The following IL1RAPL1 variants were observed in gnomAD, a reference collection of about 807,000 sequenced individuals.
IL1RAPL1 encodes interleukin-1 receptor accessory protein-like 1.
Under a neutral mutation model 48.4 loss-of-function variants are expected in IL1RAPL1, and 3 were observed. The ratio of observed to expected loss-of-function variants is 0.06; its 90% confidence interval spans 0.03 to 0.16. The LOEUF is 0.16. IL1RAPL1 is among the 10% of genes least tolerant of loss of function. The pLI is 1.00. For missense variants in IL1RAPL1, 349 were observed against 530.6 expected (o/e 0.66, Z 3.36); for synonymous variants, 185 against 187.7 (o/e 0.99, Z 0.12).
At chrX:29,807,922 T>C (rs73631670) in intron 6 of IL1RAPL1, among the ~76,000 whole-genome samples, 115 of 111,338 alleles carry the variant, frequency 1.0e-3, no homozygotes, top group African/African-American at 3.5e-3. Flanking sequence ...TCATGAGTAA[T>C]TGGTAATCAA....
At chrX:28,668,327 C>T (rs754326009) in intron 1 of IL1RAPL1, among the ~76,000 whole-genome samples, 9 of 110,885 alleles carry the variant, frequency 8.1e-5, no homozygotes, top group South Asian at 3.8e-4. Context: ...GGCGTGATGT[C>T]GGCTCTCTGC....
intron 6 of IL1RAPL1, among the ~76,000 whole-genome samples, chrX:29,734,430 C>T (rs931418702): frequency 8.9e-6 from 1 of 112,059 alleles, no homozygotes; most frequent in African/African-American, 3.2e-5. Flanking sequence ...ACCGTAGTCA[C>T]TAATCATGAC....
intron 2 of IL1RAPL1, among the ~76,000 whole-genome samples, chrX:28,997,516 T>C (rs1925751170): frequency 9.0e-6 from 1 of 111,161 alleles, no homozygotes; most frequent in African/African-American, 3.3e-5. Flanking sequence ...TAATCTTATA[T>C]GGCCTCAAAA....
At chrX:29,193,109 TTTA>T (rs1048634222) in intron 2 of IL1RAPL1, among the ~76,000 whole-genome samples, 2 of 110,824 alleles carry the variant, frequency 1.8e-5, no homozygotes, top group Admixed American at 1.9e-4. Context: ...TGAAGATAAC[TTTA>T]TTGTTTTTTA....
intron 1 of IL1RAPL1, among the ~76,000 whole-genome samples, chrX:28,731,663 G>C (rs963583125): frequency 9.0e-6 from 1 of 111,282 alleles, no homozygotes; most frequent in African/African-American, 3.3e-5. Context: ...GAGAGTGAGA[G>C]GTGGCTGCTA....
At chrX:29,829,404 A>G (rs1274286798) in intron 6 of IL1RAPL1, among the ~76,000 whole-genome samples, 2 of 111,194 alleles carry the variant, frequency 1.8e-5, no homozygotes, top group African/African-American at 3.3e-5. Flanking sequence ...GCCTGCCCCT[A>G]TGCTTGACTA....
At chrX:29,729,779 G>A (rs1191970151) in intron 6 of IL1RAPL1, among the ~76,000 whole-genome samples, 1 of 111,290 alleles carries the variant, frequency 9.0e-6, no homozygotes. Context: ...AAATGCACGT[G>A]TGAAACTCCA....
At chrX:29,368,991 C>G (rs985493317) in intron 3 of IL1RAPL1, 1 of 115,323 alleles carries the variant, frequency 8.7e-6, no homozygotes, top group East Asian at 2.7e-4. Flanking sequence ...ACAGCTGGGA[C>G]CTCTGCTGAG....
intron 2 of IL1RAPL1, among the ~76,000 whole-genome samples, chrX:29,227,390 C>G (rs765948170): frequency 9.0e-6 from 1 of 110,577 alleles, no homozygotes; most frequent in East Asian, 2.8e-4. Flanking sequence ...GTTTTTAATC[C>G]TTTCAAAGCC....
At chrX:29,142,735 C>T (rs1035646586) in intron 2 of IL1RAPL1, among the ~76,000 whole-genome samples, 2 of 108,848 alleles carry the variant, frequency 1.8e-5, no homozygotes, top group Non-Finnish European at 3.8e-5. Flanking sequence ...TGCTCTTGCT[C>T]TGTTGCCCAG....
intron 2 of IL1RAPL1, among the ~76,000 whole-genome samples, chrX:28,964,768 C>G (rs762442705): frequency 9.0e-6 from 1 of 111,576 alleles, no homozygotes; most frequent in Admixed American, 9.6e-5. Context: ...AGACCTAGGT[C>G]TTCTCTTACA....
At chrX:29,666,698 T>A (rs1158717273) in intron 5 of IL1RAPL1, among the ~76,000 whole-genome samples, 1 of 110,832 alleles carries the variant, frequency 9.0e-6, no homozygotes, top group Non-Finnish European at 1.9e-5. Context: ...TCTCTGTAGA[T>A]CTTTATTTTT....
chrX:29,443,291 T>C (rs1393211785), intron 5 of IL1RAPL1, among the ~76,000 whole-genome samples: 1 of 107,800 alleles, frequency 9.3e-6, no homozygotes, highest in Non-Finnish European at 1.9e-5. Context: ...AATTATTTAA[T>C]ATTAACCTAC....
At chrX:29,506,276 T>C (rs12853009) in intron 5 of IL1RAPL1, among the ~76,000 whole-genome samples, 12,754 of 111,518 alleles carry the variant, frequency 0.11, 598 homozygotes, top group South Asian at 0.22. Context: ...CATAGTTCCC[T>C]ATTTGTTGTT....
chrX:29,233,192 CTG>C (rs987101029), intron 2 of IL1RAPL1, among the ~76,000 whole-genome samples: 20 of 111,426 alleles, frequency 1.8e-4, no homozygotes, highest in African/African-American at 5.5e-4. Flanking sequence ...CCTCCTTCCC[CTG>C]TACTCAAGCT....
At chrX:29,787,211 C>G (rs1173347081) in intron 6 of IL1RAPL1, among the ~76,000 whole-genome samples, 1 of 110,925 alleles carries the variant, frequency 9.0e-6, no homozygotes, top group African/African-American at 3.3e-5. Flanking sequence ...CCAACCAGAA[C>G]CTGGAGAGAC....
At chrX:28,845,131 T>TG (rs1921474975) in intron 2 of IL1RAPL1, among the ~76,000 whole-genome samples, 1 of 111,666 alleles carries the variant, frequency 9.0e-6, no homozygotes, top group Non-Finnish European at 1.9e-5. Context: ...TGTCATGTTA[T>TG]TATAAGTGCA....
intron 2 of IL1RAPL1, among the ~76,000 whole-genome samples, chrX:28,987,758 A>C (rs1201564257): frequency 2.7e-5 from 3 of 112,114 alleles, no homozygotes; most frequent in African/African-American, 9.7e-5. Context: ...TTTTGTCTTG[A>C]TAATTTCACC....
intron 2 of IL1RAPL1, among the ~76,000 whole-genome samples, chrX:28,820,982 C>T (rs750556928): frequency 9.0e-6 from 1 of 111,038 alleles, no homozygotes; most frequent in African/African-American, 3.3e-5. Flanking sequence ...ACAAAGGGGC[C>T]GTAATGATGC....
Sources: allele counts gnomAD v4.1 joint callset (sites outside exome capture counted in the v4.1 genomes callset), GRCh38; gene constraint gnomAD v4.1.1; transcripts MANE v1.5; gene names NCBI Gene and HGNC (gene_info 2026-07-23, HGNC 2026-07-21).